Variants in KNTC1 observed in about 807,000 individuals in gnomAD.
KNTC1 encodes kinetochore-associated protein 1.
In KNTC1, 253 loss-of-function variants were observed where a neutral mutation model predicts 314.4. That is an observed-to-expected ratio of 0.80 (90% CI 0.73 to 0.89). The LOEUF is 0.89. KNTC1 is among the 40% of genes least tolerant of loss of function. The pLI is 0.00. For synonymous variants in KNTC1, 901 were observed against 901.4 expected (o/e 1.00, Z 0.01); for missense variants, 2,475 against 2,572.9 (o/e 0.96, Z 0.82).
chr12:122,559,728 A>G (rs977765356), intron 18 of KNTC1, among the ~76,000 whole-genome samples: 4 of 152,016 alleles, frequency 2.6e-5, no homozygotes, highest in Non-Finnish European at 4.4e-5. Flanking sequence ...TCCCGCTGCC[A>G]CCACACCTGG....
intron 27 of KNTC1, 146 bp from the exon 28 acceptor site, chr12:122,575,397 G>A: frequency 3.2e-6 from 2 of 623,498 alleles, no homozygotes; most frequent in African/African-American, 1.8e-5. Flanking sequence ...GAAAACTGAA[G>A]AAATAAATGG....
intron 31 of KNTC1, 83 bp downstream of exon 31, chr12:122,577,874 A>G: frequency 7.9e-7 from 1 of 1,263,068 alleles, no homozygotes; most frequent in South Asian, 1.6e-5. Context: ...GGACTTACAC[A>G]TATGAAGATC....
In KNTC1 at chr12:122,626,340, A is replaced by T. The variant is rs1186622837; in HGVS notation, c.*112A>T. ...ATCTCTGTATTATAGCTATTTGTCTAACATTACCCCACATGTAATAAATAA... is the reference window on the plus strand; with the variant it reads ...ATCTCTGTATTATAGCTATTTGTCTTACATTACCCCACATGTAATAAATAA... On this transcript the variant is annotated 3_prime_UTR_variant, in exon 64 of 64. Coordinates refer to ENST00000333479, the MANE Select transcript of KNTC1 (RefSeq NM_014708.6). The T allele has an allele frequency of 4.1e-6, 3 of 734,866 alleles. No individual in the cohort carries two copies. The highest frequency in any genetic ancestry group is 7.0e-6 in the Non-Finnish European group (3 of 427,784). 45.5% of individuals were successfully genotyped at this position (734,866 alleles called of 1,614,324 possible).
At chr12:122,540,179 T>G (rs992961031) in intron 5 of KNTC1, among the ~76,000 whole-genome samples, 20 of 151,626 alleles carry the variant, frequency 1.3e-4, no homozygotes, top group Non-Finnish European at 2.4e-4. Flanking sequence ...TTTTCTGTTT[T>G]TTTTTTTTTT....
chr12:122,624,476 C>T, intron 62 of KNTC1, 122 bp from the exon 63 acceptor site: 1 of 596,674 alleles, frequency 1.7e-6, no homozygotes, highest in East Asian at 3.0e-5. Context: ...CCATGTTGCC[C>T]AGGCTAGTCT....
chr12:122,587,182 G>A (rs768452110), intron 38 of KNTC1, among the ~76,000 whole-genome samples: 2 of 152,336 alleles, frequency 1.3e-5, no homozygotes, highest in South Asian at 2.1e-4. Flanking sequence ...GGGAGGCTGA[G>A]GTGGGAGGAT....
chr12:122,604,976 ACT>A lies in KNTC1; in HGVS notation c.5276_5277del (p.Thr1759ArgfsTer22). On this transcript the variant is annotated frameshift_variant, in exon 50 of 64. Coordinates refer to ENST00000333479, the MANE Select transcript of KNTC1 (RefSeq NM_014708.6). LOFTEE classifies it high-confidence loss of function. The part of the protein sequence containing the change: ...EAVLIAHKLN[T>X]EEYLRVIGKP... ...TGTGCTCATAGCCCACAAGCTGAAC[ACT>A]GAGGAATATTTAAGAGTGATCGGAA... is the stretch of plus-strand genomic sequence containing the variant. 1 of 1,612,930 alleles carries A rather than the reference ACT, an allele frequency of 6.2e-7. No homozygotes were observed.
In KNTC1 at chr12:122,618,472, T is replaced by TC. The variant is rs1566021475; in HGVS notation, c.6086-10_6086-9insC. ...TGTATATCATGGTTGTTTTTTTGTT[T>TC]TGTTTTCAGCCTCTTGTCCTTTAAG... On this transcript the variant is annotated splice_polypyrimidine_tract_variant and intron_variant, in intron 58 of 63. Transcript: ENST00000333479. The TC allele has an allele frequency of 6.2e-7, 1 of 1,612,942 alleles. No homozygotes were observed.
intron 40 of KNTC1, among the ~76,000 whole-genome samples, chr12:122,589,398 CTG>C (rs1869825219): frequency 6.6e-6 from 1 of 151,016 alleles, no homozygotes; most frequent in African/African-American, 2.4e-5. Context: ...GTTTCATCAA[CTG>C]TATTTGGTGA....
At chr12:122,587,148 G>A (rs1218848908) in intron 38 of KNTC1, among the ~76,000 whole-genome samples, 2 of 152,160 alleles carry the variant, frequency 1.3e-5, no homozygotes, top group African/African-American at 2.4e-5. Flanking sequence ...AAATGGTGGT[G>A]TGCTCCTGTA....
At position 122,592,820 on chromosome 12, in the gene KNTC1, C is replaced by G. The variant is rs964278135; in HGVS notation, c.4245+1367C>G. On this transcript the variant is annotated intron_variant, in intron 42 of 63. Transcript: ENST00000333479. ...AGGCTGCCCGAGTCAGCACTGGCAA[C>G]CCGCTCGGGTCCCCTTCCACACTGT... 4 of 152,328 alleles carry G rather than the reference C, an allele frequency of 2.6e-5. 1 individual carries two copies. Among genetic ancestry groups the G allele is most frequent in the Admixed American group, 2.6e-4 (4 of 15,280 alleles). The allele number at this position is 152,328 out of a possible 1,614,324, so 9.4% of individuals were successfully genotyped here. A position where few individuals can be genotyped will look rare whatever the true frequency, so the allele number is the denominator to read the frequency against.
At chr12:122,532,036 TG>T (rs967938618) in intron 2 of KNTC1, among the ~76,000 whole-genome samples, 7 of 137,634 alleles carry the variant, frequency 5.1e-5, no homozygotes, top group African/African-American at 1.6e-4. Flanking sequence ...CCCGGCCATT[TG>T]TTTTTTTTTT....
At chr12:122,554,076 A>ATATATATATATAT (rs1555224817) in intron 16 of KNTC1, among the ~76,000 whole-genome samples, 33 of 109,042 alleles carry the variant, frequency 3.0e-4, no homozygotes, top group African/African-American at 1.1e-3. Context: ...AAAAAAAAAA[A>ATATATATATATAT]ATATATATAT....
intron 16 of KNTC1, among the ~76,000 whole-genome samples, chr12:122,552,624 A>G (rs1335485218): frequency 1.3e-5 from 2 of 152,142 alleles, no homozygotes; most frequent in African/African-American, 4.8e-5. Context: ...TTGGCCTCCC[A>G]AAGTTTTGAG....
chr12:122,554,088 T>G (rs1160092003), intron 16 of KNTC1, among the ~76,000 whole-genome samples: 1 of 144,560 alleles, frequency 6.9e-6, no homozygotes, highest in Non-Finnish European at 1.5e-5. Flanking sequence ...TATATATATA[T>G]ATATATATAT....
Position 122,585,006 on chromosome 12 carries a change from G to GT in KNTC1, c.3534+22dup. 1.4e-6 allele frequency: 2 copies of GT among 1,444,016 alleles called. No individual in the cohort carries two copies. Among genetic ancestry groups the GT allele is most frequent in the Non-Finnish European group, 1.9e-6 (2 of 1,034,244 alleles). The allele number at this position is 1,444,016 out of a possible 1,614,324, so 89.5% of individuals were successfully genotyped here. ...CCTCATGAAAGTAAGTTACTTTTGAGTTTTTTCCCTTAAATCCTGGGCAAC... is the reference window on the plus strand; with the variant it reads ...CCTCATGAAAGTAAGTTACTTTTGAGTTTTTTTCCCTTAAATCCTGGGCAAC... On this transcript the variant is annotated intron_variant, in intron 36 of 63. Transcript: ENST00000333479.
At chr12:122,615,398 C>A in intron 56 of KNTC1, 72 bp from the exon 57 acceptor site, 1 of 1,246,510 alleles carries the variant, frequency 8.0e-7, no homozygotes, top group Non-Finnish European at 1.1e-6. Context: ...GGAACTTTAA[C>A]ATCTGGTATT....
At chr12:122,546,808 C>A in intron 10 of KNTC1, 134 bp downstream of exon 10, 1 of 491,244 alleles carries the variant, frequency 2.0e-6, no homozygotes, top group Non-Finnish European at 3.5e-6. Flanking sequence ...AGTATATGTA[C>A]CAAAAAGTTG....
chr12:122,575,288 G>C (rs1450621230), intron 27 of KNTC1, among the ~76,000 whole-genome samples: 2 of 152,156 alleles, frequency 1.3e-5, no homozygotes, highest in Non-Finnish European at 2.9e-5. Flanking sequence ...CCCAGGGATT[G>C]TAGAGACCGT....
Sources: gnomAD v4.1 joint callset for allele counts (sites outside exome capture counted in the v4.1 genomes callset) on GRCh38, gnomAD v4.1.1 for gene constraint, MANE v1.5 for transcripts, NCBI Gene and HGNC (gene_info 2026-07-23, HGNC 2026-07-21) for gene names.